Variants in ACTR3 observed in about 807,000 individuals in gnomAD.
The protein encoded by ACTR3 is actin related protein 3, also known as actin-related protein 3.
ACTR3 carries 12 observed loss-of-function variants against 56.8 expected under a neutral mutation model. The ratio of observed to expected loss-of-function variants is 0.21; its 90% CI spans 0.14 to 0.34. The LOEUF (loss-of-function observed/expected upper bound fraction) is 0.34. ACTR3 is among the 10% of genes least tolerant of loss of function. ACTR3 has a pLI of 1.00. For missense variants in ACTR3, 282 were observed against 512.5 expected, an observed-to-expected ratio of 0.55 and a Z score of 4.34; for synonymous variants, 162 against 167.4, an observed-to-expected ratio of 0.97 and a Z score of 0.25.
At chr2:113,927,247 C>T (rs993898292) in intron 3 of ACTR3, 98 bp from the exon 4 acceptor site, 1 of 686,720 alleles carries the variant, frequency 1.5e-6, no homozygotes, top group Non-Finnish European at 2.3e-6. Flanking sequence ...ATATCCTCAT[C>T]TAATATCCAC....
intron 1 of ACTR3, among the ~76,000 whole-genome samples, chr2:113,909,213 A>T (rs1001844800): frequency 1.3e-5 from 2 of 152,170 alleles, no homozygotes; most frequent in Admixed American, 6.5e-5. Flanking sequence ...ACAATTGGAT[A>T]CTGTATGCAT....
At chr2:113,934,592 T>C (rs1679790199) in intron 6 of ACTR3, 2 of 350,314 alleles carry the variant, frequency 5.7e-6, no homozygotes, top group South Asian at 1.4e-4. Context: ...TGTACTGCAA[T>C]TAAGAAAATT....
intron 1 of ACTR3, among the ~76,000 whole-genome samples, chr2:113,908,865 T>C (rs1466699815): frequency 3.3e-5 from 5 of 152,144 alleles, no homozygotes; most frequent in African/African-American, 4.8e-5. Context: ...TTTACTTTTT[T>C]AGATTGTGTC....
rs373149150 is a variant in ACTR3, at chr2:113,913,168, G to C, written c.45-4G>C. ...AAATCTTTATAAATTATTTTGTTTT[G>C]CAGGTATACAAAACTAGGATATGCT... On this transcript the variant is annotated splice_polypyrimidine_tract_variant and splice_region_variant and intron_variant, in intron 1 of 11. Transcript: ENST00000263238. 79 of 1,552,804 alleles carry C rather than the reference G, an allele frequency of 5.1e-5. No homozygotes were observed. In the Middle Eastern group the frequency reaches 5.1e-4, roughly 10 times the overall value.
intron 3 of ACTR3, among the ~76,000 whole-genome samples, chr2:113,922,249 T>G (rs1385087385): frequency 6.6e-6 from 1 of 152,144 alleles, no homozygotes; most frequent in Non-Finnish European, 1.5e-5. Flanking sequence ...GTCTGAATGC[T>G]AATATGAAAG....
At chr2:113,939,062 C>G (rs532083719) in intron 6 of ACTR3, among the ~76,000 whole-genome samples, 1 of 150,810 alleles carries the variant, frequency 6.6e-6, no homozygotes, top group Non-Finnish European at 1.5e-5. Flanking sequence ...TTCGCTCTGT[C>G]GCCCAGGCTG....
chr2:113,931,409 A>G lies in ACTR3; in HGVS notation c.432+13A>G, dbSNP rs761234265. The G allele has an allele frequency of 1.6e-5, 25 of 1,519,918 alleles. 1 individual carries two copies. In the South Asian group the frequency reaches 3.1e-4, roughly 19 times the overall value. 94.2% of individuals were successfully genotyped at this position (1,519,918 alleles called of 1,614,324 possible). A position where few individuals can be genotyped will look rare whatever the true frequency, so the allele number is the denominator to read the frequency against. On this transcript the variant is annotated intron_variant, in intron 5 of 11. Transcript: ENST00000263238. ...CATTGCTGTGCAGGTAAGCAAGTTC[A>G]TACTTTCTAAGTTTGATTCTTACAT...
chr2:113,910,027 CT>C (rs1290278641), intron 1 of ACTR3, among the ~76,000 whole-genome samples: 1 of 151,778 alleles, frequency 6.6e-6, no homozygotes, highest in Non-Finnish European at 1.5e-5. Flanking sequence ...TTCTTAGAAA[CT>C]CCAAAGTGAC....
upstream of ACTR3, chr2:113,889,973 G>C (rs987914184): frequency 3.8e-6 from 2 of 529,896 alleles, no homozygotes; most frequent in Admixed American, 3.8e-5. Context: ...TTGGCTTCCC[G>C]GGGAAAGGCG....
intron 11 of ACTR3, among the ~76,000 whole-genome samples, 170 bp from the exon 12 acceptor site, chr2:113,957,190 T>C (rs1680232384): frequency 6.6e-6 from 1 of 152,194 alleles, no homozygotes; most frequent in African/African-American, 2.4e-5. Context: ...TATAGCTGAT[T>C]TTAAGTCATG....
At chr2:113,893,396 C>CA (rs1343066286) in intron 1 of ACTR3, among the ~76,000 whole-genome samples, 1 of 152,076 alleles carries the variant, frequency 6.6e-6, no homozygotes, top group East Asian at 1.9e-4. Context: ...CAGGTTCAAG[C>CA]TATTCTCCTG....
At chr2:113,905,554 G>A (rs1023985063) in intron 1 of ACTR3, among the ~76,000 whole-genome samples, 6 of 151,822 alleles carry the variant, frequency 4.0e-5, no homozygotes, top group Admixed American at 3.9e-4. Context: ...GTGGCATAAA[G>A]TACATTCACA....
At chr2:113,954,953 C>T (rs879625425) in intron 10 of ACTR3, 5 of 152,094 alleles carry the variant, frequency 3.3e-5, no homozygotes, top group South Asian at 2.1e-4. Context: ...TTTTTACAGA[C>T]GTCTCCAGTT....
At chr2:113,948,225 G>A (rs542179044) in intron 8 of ACTR3, among the ~76,000 whole-genome samples, 1 of 152,180 alleles carries the variant, frequency 6.6e-6, no homozygotes, top group African/African-American at 2.4e-5. Context: ...CTGAGTCATG[G>A]CTCGCTGCAG....
At chr2:113,950,415 C>G (rs1482867930) in intron 8 of ACTR3, among the ~76,000 whole-genome samples, 1 of 152,188 alleles carries the variant, frequency 6.6e-6, no homozygotes, top group Non-Finnish European at 1.5e-5. Flanking sequence ...AGAGCTGAAA[C>G]TAGATAGCAG....
In ACTR3 at chr2:113,961,181, A is replaced by G. The variant is rs1489432615; in HGVS notation, c.*3726A>G. ...CGTAATTTGTTTTCTATGATATGAG[A>G]ACTTTTATTATAATTTGCCTCAGTC... On this transcript the variant is annotated 3_prime_UTR_variant, in exon 12 of 12. Coordinates refer to ENST00000263238, the MANE Select transcript of ACTR3 (RefSeq NM_005721.5). 1 of 152,012 alleles carries G rather than the reference A, an allele frequency of 6.6e-6. No individual in the cohort carries two copies. Among genetic ancestry groups the G allele is most frequent in the South Asian group, 2.1e-4 (1 of 4,822 alleles). The allele number at this position is 152,012 out of a possible 1,614,324, so 9.4% of individuals were successfully genotyped here.
intron 11 of ACTR3, among the ~76,000 whole-genome samples, chr2:113,956,901 C>T (rs572934638): frequency 6.6e-6 from 1 of 152,180 alleles, no homozygotes; most frequent in African/African-American, 2.4e-5. Context: ...AACAGTCTAT[C>T]TTTTCCAGAC....
intron 6 of ACTR3, among the ~76,000 whole-genome samples, chr2:113,937,983 T>C (rs1392092555): frequency 2.6e-5 from 4 of 152,140 alleles, no homozygotes; most frequent in Non-Finnish European, 5.9e-5. Flanking sequence ...TATATTAGGC[T>C]GCTTCACAGT....
chr2:113,893,964 T>C (rs1678956345), intron 1 of ACTR3, among the ~76,000 whole-genome samples: 1 of 152,156 alleles, frequency 6.6e-6, no homozygotes, highest in South Asian at 2.1e-4. Flanking sequence ...ATTCAGCAAT[T>C]AGTGCAGATA....
Sources: gnomAD v4.1 joint callset for allele counts (sites outside exome capture counted in the v4.1 genomes callset) on GRCh38, gnomAD v4.1.1 for gene constraint, MANE v1.5 for transcripts, NCBI Gene and HGNC (gene_info 2026-07-23, HGNC 2026-07-21) for gene names.